GPT2: variants seen among roughly 807,000 people sequenced by gnomAD.
GPT2 encodes alanine aminotransferase 2.
A neutral mutation model predicts 56.9 loss-of-function variants in GPT2; 30 were observed. The ratio of observed to expected loss-of-function variants is 0.53; its 90% confidence interval spans 0.39 to 0.72. The LOEUF is 0.72. Ranked by LOEUF, GPT2 falls within the 30% of genes least tolerant of loss-of-function variation. The pLI is 0.00. For missense variants in GPT2, 542 were observed against 703.4 expected (o/e 0.77, Z 2.60); for synonymous variants, 271 against 283.1 (o/e 0.96, Z 0.43).
chr16:46,911,266 G>T (rs1393238967), intron 6 of GPT2, among the ~76,000 whole-genome samples: 1 of 152,154 alleles, frequency 6.6e-6, no homozygotes, highest in Non-Finnish European at 1.5e-5. Context: ...GCCTTCATAT[G>T]CCCCCAGTGC....
intron 7 of GPT2, 117 bp downstream of exon 7, chr16:46,916,824 T>C (rs1168944435): frequency 1.9e-5 from 14 of 739,476 alleles, no homozygotes; most frequent in Non-Finnish European, 3.4e-5. Flanking sequence ...GGAATGATTC[T>C]GGCCTAGGGT....
At chr16:46,901,211 C>T (rs1960810869) in intron 4 of GPT2, among the ~76,000 whole-genome samples, 2 of 152,184 alleles carry the variant, frequency 1.3e-5, no homozygotes, top group South Asian at 4.1e-4. Context: ...AGATGGCAGC[C>T]AATTGCTAGG....
rs1373438560 is a variant in GPT2, at chr16:46,925,415, G to T, written c.1368+871G>T. 2.0e-5 allele frequency among the ~76,000 whole-genome samples: 3 copies of T among 152,018 alleles called. No individual in the cohort carries two copies. In the East Asian group the frequency reaches 5.8e-4, roughly 29 times the overall value. On this transcript the variant is annotated intron_variant, in intron 10 of 11. Coordinates refer to ENST00000340124, the MANE Select transcript of GPT2 (RefSeq NM_133443.4). ...TTTTTGTATTTTTAGTAGAGACGGG[G>T]TTTCACCGTGTTAGCCAGGATGGTG...
In GPT2 at chr16:46,887,936, C is replaced by T. The variant is rs139463885; in HGVS notation, c.243+2978C>T. On this transcript the variant is annotated intron_variant, in intron 2 of 11. Transcript: ENST00000340124. ...TTAGAGGGGCCTTGCTTCTCCCTGA[C>T]AGCAGCTCCAAAGGGGAGAACCTAT... is the stretch of plus-strand genomic sequence containing the variant. 4.0e-3 allele frequency among the ~76,000 whole-genome samples: 612 copies of T among 152,356 alleles called. 4 individuals are homozygous for T. The highest frequency in any genetic ancestry group is 0.014 in the African/African-American group (574 of 41,578).
chr16:46,908,682 A>G (rs984456398), intron 5 of GPT2, among the ~76,000 whole-genome samples: 1 of 152,148 alleles, frequency 6.6e-6, no homozygotes, highest in African/African-American at 2.4e-5. Flanking sequence ...GGACTCTAAC[A>G]TTGGAGCTCC....
chr16:46,920,119 C>T (rs796354053), intron 8 of GPT2, among the ~76,000 whole-genome samples: 37 of 152,252 alleles, frequency 2.4e-4, no homozygotes, highest in African/African-American at 8.4e-4. Context: ...ATGGGAGGAT[C>T]GCTTAAGCCC....
At chr16:46,892,165 A>G (rs1960599116) in intron 2 of GPT2, among the ~76,000 whole-genome samples, 1 of 152,180 alleles carries the variant, frequency 6.6e-6, no homozygotes, top group Non-Finnish European at 1.5e-5. Flanking sequence ...GATTCCACAT[A>G]TGAGTGAGAT....
chr16:46,925,047 C>T (rs1234135033), intron 10 of GPT2, among the ~76,000 whole-genome samples: 1 of 152,036 alleles, frequency 6.6e-6, no homozygotes, highest in Non-Finnish European at 1.5e-5. Flanking sequence ...CCGGCTTGAG[C>T]CACTGTGCCT....
At chr16:46,914,794 A>G (rs1013012162) in intron 6 of GPT2, among the ~76,000 whole-genome samples, 1 of 152,136 alleles carries the variant, frequency 6.6e-6, no homozygotes, top group African/African-American at 2.4e-5. Flanking sequence ...CTGGGGAGAA[A>G]GAAGCTAACT....
chr16:46,916,397 C>A, intron 6 of GPT2: 1 of 476,024 alleles, frequency 2.1e-6, no homozygotes, highest in African/African-American at 1.9e-5. Flanking sequence ...CCCCTTCTCC[C>A]TCGCATAACT....
chr16:46,885,998 A>T (rs1261924718), intron 2 of GPT2, among the ~76,000 whole-genome samples: 1 of 152,174 alleles, frequency 6.6e-6, no homozygotes, highest in African/African-American at 2.4e-5. Flanking sequence ...CAGGGGGATC[A>T]TGACACTTGG....
chr16:46,909,052 A>C (rs1249412623), intron 5 of GPT2, among the ~76,000 whole-genome samples: 1 of 151,092 alleles, frequency 6.6e-6, no homozygotes, highest in African/African-American at 2.4e-5. Context: ...TCAAAGCGCC[A>C]CCTGGTGGCA....
chr16:46,918,792 GC>G, intron 8 of GPT2, 35 bp downstream of exon 8: 1 of 1,610,310 alleles, frequency 6.2e-7, no homozygotes, highest in South Asian at 1.1e-5. Flanking sequence ...CCACTGCTGG[GC>G]CTGCCAGATC....
intron 6 of GPT2, among the ~76,000 whole-genome samples, chr16:46,915,035 A>T (rs1319266051): frequency 6.6e-6 from 1 of 152,130 alleles, no homozygotes; most frequent in South Asian, 2.1e-4. Context: ...CTCCAGTCTC[A>T]GCCTCCCAAG....
At chr16:46,887,271 C>T (rs1236660737) in intron 2 of GPT2, among the ~76,000 whole-genome samples, 2 of 152,118 alleles carry the variant, frequency 1.3e-5, no homozygotes, top group South Asian at 2.1e-4. Context: ...AGTTCGAGAC[C>T]AGCCTGGCCA....
At chr16:46,911,152 A>G (rs575363381) in intron 6 of GPT2, among the ~76,000 whole-genome samples, 3 of 152,310 alleles carry the variant, frequency 2.0e-5, no homozygotes, top group Non-Finnish European at 2.9e-5. Flanking sequence ...AACTAAACCA[A>G]AAAAACCACT....
intron 6 of GPT2, among the ~76,000 whole-genome samples, chr16:46,914,730 A>G (rs1243387015): frequency 3.3e-5 from 5 of 152,176 alleles, no homozygotes; most frequent in Non-Finnish European, 7.4e-5. Flanking sequence ...TCCAGGGCAG[A>G]CGATGAGCGG....
At chr16:46,907,539 G>T (rs1960957094) in intron 5 of GPT2, among the ~76,000 whole-genome samples, 1 of 152,216 alleles carries the variant, frequency 6.6e-6, no homozygotes, top group Admixed American at 6.5e-5. Flanking sequence ...GGGAGAGGGG[G>T]TGTGCTCTGA....
intron 4 of GPT2, among the ~76,000 whole-genome samples, chr16:46,906,562 A>T (rs1960930250): frequency 6.6e-6 from 1 of 152,176 alleles, no homozygotes. Flanking sequence ...AATAATGTGT[A>T]ACGCATAGTA....
Sources: allele counts gnomAD v4.1 joint callset (sites outside exome capture counted in the v4.1 genomes callset), GRCh38; gene constraint gnomAD v4.1.1; transcripts MANE v1.5; gene names NCBI Gene and HGNC (gene_info 2026-07-23, HGNC 2026-07-21).